ALDH1L2: variants seen among roughly 807,000 people sequenced by gnomAD.
ALDH1L2 encodes the protein aldehyde dehydrogenase 1 family member L2.
Under a neutral mutation model 111.0 loss-of-function variants are expected in ALDH1L2, and 91 were observed. That is an observed-to-expected ratio of 0.82 (90% confidence interval 0.69 to 0.98). The LOEUF is 0.98. Ranked by LOEUF, ALDH1L2 falls within the 50% of genes least tolerant of loss-of-function variation. ALDH1L2 has a pLI of 0.00. For synonymous variants in ALDH1L2, 374 were observed against 392.6 expected, an observed-to-expected ratio of 0.95 and a Z score of 0.56; for missense variants, 995 against 1,126.8, an observed-to-expected ratio of 0.88 and a Z score of 1.67.
chr12:105,076,629 C>T (rs1413612394), intron 1 of ALDH1L2, among the ~76,000 whole-genome samples: 1 of 152,132 alleles, frequency 6.6e-6, no homozygotes, highest in African/African-American at 2.4e-5. Context: ...AGTAATAGTA[C>T]CTATCTCATA....
intron 18 of ALDH1L2, among the ~76,000 whole-genome samples, chr12:105,036,785 G>A (rs1875179301): frequency 6.6e-6 from 1 of 151,224 alleles, no homozygotes; most frequent in Non-Finnish European, 1.5e-5. Context: ...TGACTGTCTT[G>A]GGTTTGGGGT....
At position 105,038,279 on chromosome 12, in the gene ALDH1L2, A is replaced by AAAC. The variant is rs1875298448; in HGVS notation, c.2046-78_2046-77insGTT. On this transcript the variant is annotated intron_variant, in intron 17 of 22. Coordinates refer to ENST00000258494, the MANE Select transcript of ALDH1L2 (RefSeq NM_001034173.4). The stretch of plus-strand genomic sequence containing the variant: ...TCTCTCTCACACACACACACACACA[A>AAAC]ACACACACACACACACACACACACA... 2.7e-3 allele frequency: 670 copies of AAAC among 246,934 alleles called. 6 individuals carry two copies. The highest frequency in any genetic ancestry group is 0.015 in the African/African-American group (632 of 41,582). 15.3% of individuals were successfully genotyped at this position (246,934 alleles called of 1,614,324 possible). A position where few individuals can be genotyped will look rare whatever the true frequency, so the allele number is the denominator to read the frequency against.
chr12:105,052,289 T>C, intron 11 of ALDH1L2, 72 bp from the exon 12 acceptor site: 2 of 1,405,102 alleles, frequency 1.4e-6, no homozygotes, highest in Non-Finnish European at 9.4e-7. Flanking sequence ...AATATTGTAT[T>C]AATAGAAAAA....
chr12:105,053,217 G>A (rs1016908528), intron 10 of ALDH1L2, among the ~76,000 whole-genome samples: 1 of 152,216 alleles, frequency 6.6e-6, no homozygotes, highest in African/African-American at 2.4e-5. Context: ...AAGACCTCTA[G>A]ATAATGGAAA....
chr12:105,074,205 C>T (rs1877897474), intron 1 of ALDH1L2, 200 bp from the exon 2 acceptor site: 9 of 579,302 alleles, frequency 1.6e-5, no homozygotes, highest in Non-Finnish European at 2.0e-5. Context: ...CGCTTATAAT[C>T]CCAGCACTTT....
chr12:105,077,796 G>A (rs1348370603), intron 1 of ALDH1L2, among the ~76,000 whole-genome samples: 1 of 150,862 alleles, frequency 6.6e-6, no homozygotes, highest in Non-Finnish European at 1.5e-5. Flanking sequence ...TCAAGGCACA[G>A]TGCGAAGAGT....
At chr12:105,060,827 GAAAAAAA>G (rs10674036) in intron 9 of ALDH1L2, 147 bp downstream of exon 9, 71 of 140,064 alleles carry the variant, frequency 5.1e-4, no homozygotes, top group South Asian at 6.2e-4. Context: ...TCCATCTCAG[GAAAAAAA>G]AAAAAAAAAA....
At chr12:105,028,517 G>T (rs1874534109) in intron 21 of ALDH1L2, among the ~76,000 whole-genome samples, 1 of 152,218 alleles carries the variant, frequency 6.6e-6, no homozygotes, top group Non-Finnish European at 1.5e-5. Flanking sequence ...AGGTTTCAGT[G>T]TAGTGCCTTA....
At position 105,030,329 on chromosome 12, in the gene ALDH1L2, T is replaced by A; in HGVS notation, c.2511A>T (p.Gln837His). 1 of 1,608,282 alleles carries A rather than the reference T, an allele frequency of 6.2e-7. No homozygotes were observed. Among genetic ancestry groups the A allele is most frequent in the Non-Finnish European group, 8.5e-7 (1 of 1,177,634 alleles). The change falls in exon 21 of 23, where the codon CAA (glutamine) becomes CAT (histidine). Residue 837 changes from glutamine to histidine, a missense_variant. Coordinates refer to ENST00000258494, the MANE Select transcript of ALDH1L2 (RefSeq NM_001034173.4). ...FGPIMVISKF[Q>H]NGDIDGVLQR... ...ATTGTGTCTGAAGAACCTACCCATT[T>A]TGGAATTTAGAAATGACCATAATAG...
In ALDH1L2 at chr12:105,034,280, T is replaced by C. The variant is rs767406062; in HGVS notation, c.2244+20A>G. 6 of 1,610,986 alleles carry C rather than the reference T, an allele frequency of 3.7e-6. No homozygotes were observed. Among genetic ancestry groups the C allele is most frequent in the Admixed American group, 1.7e-5 (1 of 59,826 alleles). On this transcript the variant is annotated intron_variant, in intron 19 of 22. Coordinates refer to ENST00000258494, the MANE Select transcript of ALDH1L2 (RefSeq NM_001034173.4). ...AGCAAAATCTCTAAACAACTCAGAG[T>C]AAATGTGAAGGTGCCTCACCACTCT... is the stretch of plus-strand genomic sequence containing the variant.
intron 10 of ALDH1L2, among the ~76,000 whole-genome samples, chr12:105,054,443 A>G (rs1876487295): frequency 6.6e-6 from 1 of 152,210 alleles, no homozygotes; most frequent in African/African-American, 2.4e-5. Context: ...TAGCTGAATC[A>G]CAGTAAGAAA....
chr12:105,024,355 C>T lies in ALDH1L2; in HGVS notation c.*69G>A. 6.4e-7 allele frequency: 1 copy of T among 1,572,796 alleles called. No homozygotes were observed. Among genetic ancestry groups the T allele is most frequent in the Admixed American group, 1.7e-5 (1 of 59,588 alleles). On this transcript the variant is annotated 3_prime_UTR_variant, in exon 23 of 23. Transcript: ENST00000258494. The stretch of plus-strand genomic sequence containing the variant: ...CTGACACCTCCTGCCTCAACACACC[C>T]AATCTTCTTAAGTGTGTCCAGAGTT...
chr12:105,060,990 T>C lies in ALDH1L2; in HGVS notation c.1130A>G (p.Asp377Gly). ...DFFKSGASSM[D>G]VARLVEEIRQ... Reference sequence around the variant, plus strand: ...AAGGGCGTGGTTTTACCTGGCAACATCCATTGAGCTTGCTCCAGATTTAAA... The same window carrying C: ...AAGGGCGTGGTTTTACCTGGCAACACCCATTGAGCTTGCTCCAGATTTAAA... Residue 377 changes from aspartate (D) to glycine (G), a missense_variant, in exon 9 of 23, where the codon GAT (aspartate) becomes GGT (glycine). Physicochemically the swap from Asp to Gly is moderately conservative, Grantham distance 94 (BLOSUM62 -1). Coordinates refer to ENST00000258494, the MANE Select transcript of ALDH1L2 (RefSeq NM_001034173.4). The C allele has an allele frequency of 2.5e-6, 4 of 1,613,910 alleles. No individual in the cohort carries two copies. Among genetic ancestry groups the C allele is most frequent in the Non-Finnish European group, 3.4e-6 (4 of 1,179,852 alleles).
intron 13 of ALDH1L2, chr12:105,049,614 T>C (rs1876128350): frequency 4.9e-6 from 1 of 204,940 alleles, no homozygotes; most frequent in Admixed American, 5.8e-5. Context: ...GGACACACCG[T>C]TCCTCTGCTC....
chr12:105,034,609 C>T (rs1289233109), intron 18 of ALDH1L2, among the ~76,000 whole-genome samples: 1 of 152,116 alleles, frequency 6.6e-6, no homozygotes, highest in African/African-American at 2.4e-5. Flanking sequence ...TTTATCCTTT[C>T]CCCCTTTTGG....
intron 22 of ALDH1L2, 114 bp from the exon 23 acceptor site, chr12:105,024,593 G>T: frequency 9.7e-7 from 1 of 1,035,390 alleles, no homozygotes; most frequent in South Asian, 1.4e-5. Context: ...AATAGAATGT[G>T]GCCTAAGCCA....
At chr12:105,083,320 C>T (rs1290906657) in intron 1 of ALDH1L2, among the ~76,000 whole-genome samples, 2 of 151,910 alleles carry the variant, frequency 1.3e-5, no homozygotes, top group Non-Finnish European at 2.9e-5. Flanking sequence ...CAGAGCAGGT[C>T]TTCCCCACCC....
intron 5 of ALDH1L2, 118 bp downstream of exon 5, chr12:105,066,450 A>T (rs1359565074): frequency 1.2e-6 from 1 of 850,162 alleles, no homozygotes; most frequent in East Asian, 2.7e-5. Flanking sequence ...GTCTACTCTA[A>T]CAGGTAGGGC....
rs751276825 is a variant in ALDH1L2 at position 105,039,806 on chromosome 12, C to T, written c.1952G>A (p.Gly651Asp). 4 of 1,613,678 alleles carry T rather than the reference C, an allele frequency of 2.5e-6. No individual in the cohort carries two copies. The highest frequency in any genetic ancestry group is 3.3e-5 in the Admixed American group (2 of 60,000). ...AGACAGACGTTGTCCTGCTATGCCACCTGTAGAATTAGGGAATAAAACGGG... is the reference window on the plus strand; with the variant it reads ...AGACAGACGTTGTCCTGCTATGCCATCTGTAGAATTAGGGAATAAAACGGG... ...KGVINIIPGS[G>D]GIAGQRLSEH... Residue 651 changes from glycine (G) to aspartate (D), a missense_variant and splice_region_variant, in exon 17 of 23, where the codon GGT becomes GAT. Physicochemically the swap from Gly to Asp is moderately conservative, Grantham distance 94. Coordinates refer to ENST00000258494, the MANE Select transcript of ALDH1L2 (RefSeq NM_001034173.4).
Sources: allele counts gnomAD v4.1 joint callset (sites outside exome capture counted in the v4.1 genomes callset), GRCh38; gene constraint gnomAD v4.1.1; transcripts MANE v1.5; gene names NCBI Gene and HGNC (gene_info 2026-07-23, HGNC 2026-07-21).